CNTNAP2: variants seen among roughly 807,000 people sequenced by gnomAD.
CNTNAP2 encodes contactin associated protein 2.
A neutral mutation model predicts 155.2 loss-of-function variants in CNTNAP2; 98 were observed. The ratio of observed to expected loss-of-function variants is 0.63; its 90% CI spans 0.54 to 0.75. The LOEUF is 0.75. CNTNAP2 is among the 30% of genes least tolerant of loss of function. The probability of loss-of-function intolerance (pLI) is 0.00; values close to 1 mark genes in which losing one functional copy is unlikely to be tolerated. For missense variants in CNTNAP2, 1,727 were observed against 1,688.1 expected (o/e 1.02, Z -0.40); for synonymous variants, 651 against 631.2 (o/e 1.03, Z -0.47).
At chr7:147,428,430 T>C (rs1797415748) in intron 10 of CNTNAP2, among the ~76,000 whole-genome samples, 4 of 152,144 alleles carry the variant, frequency 2.6e-5, no homozygotes, top group African/African-American at 7.2e-5. Context: ...TTTCATCTCA[T>C]ACTTCTCATT....
At chr7:146,249,268 T>G (rs1403454607) in intron 1 of CNTNAP2, among the ~76,000 whole-genome samples, 4 of 152,212 alleles carry the variant, frequency 2.6e-5, no homozygotes, top group African/African-American at 9.6e-5. Context: ...ATTAAAATAT[T>G]CATGATTATT....
intron 1 of CNTNAP2, among the ~76,000 whole-genome samples, chr7:146,742,067 T>TA (rs11397176): frequency 0.24 from 35,313 of 146,556 alleles, 4,717 homozygotes; most frequent in Non-Finnish European, 0.32. Flanking sequence ...TAGACTGTGT[T>TA]AAAAAAAAAA....
At chr7:147,646,536 G>A (rs1295345771) in intron 13 of CNTNAP2, among the ~76,000 whole-genome samples, 1 of 152,020 alleles carries the variant, frequency 6.6e-6, no homozygotes, top group Non-Finnish European at 1.5e-5. Flanking sequence ...TATTTATATT[G>A]AAAGATCAGA....
At chr7:146,807,218 T>C (rs1802984163) in intron 2 of CNTNAP2, among the ~76,000 whole-genome samples, 1 of 152,218 alleles carries the variant, frequency 6.6e-6, no homozygotes. Context: ...TTTTTAAAAT[T>C]TTTGTACATC....
intron 1 of CNTNAP2, among the ~76,000 whole-genome samples, chr7:146,150,508 TA>T (rs1334398095): frequency 2.6e-5 from 4 of 152,108 alleles, no homozygotes; most frequent in African/African-American, 4.8e-5. Context: ...TATTTTTATA[TA>T]TAAAGGTTAC....
intron 13 of CNTNAP2, among the ~76,000 whole-genome samples, chr7:147,784,549 A>ATG (rs1797709424): frequency 1.3e-5 from 1 of 75,904 alleles, no homozygotes; most frequent in Non-Finnish European, 2.7e-5. Context: ...ATATATATAT[A>ATG]TGAGTTTTTT....
chr7:146,699,372 G>C (rs1013839578), intron 1 of CNTNAP2, among the ~76,000 whole-genome samples: 2 of 152,092 alleles, frequency 1.3e-5, no homozygotes, highest in African/African-American at 4.8e-5. Flanking sequence ...AGACATGAAG[G>C]CTTTTCACTT....
At chr7:147,094,287 C>T (rs1009186708) in intron 4 of CNTNAP2, among the ~76,000 whole-genome samples, 4 of 152,136 alleles carry the variant, frequency 2.6e-5, no homozygotes, top group Non-Finnish European at 5.9e-5. Flanking sequence ...TTAGGTATAC[C>T]TTAAGAAGAT....
chr7:146,474,898 C>T (rs1796851680), intron 1 of CNTNAP2, among the ~76,000 whole-genome samples: 1 of 152,134 alleles, frequency 6.6e-6, no homozygotes, highest in African/African-American at 2.4e-5. Context: ...TAAGACTTAA[C>T]TGCCACCAGC....
chr7:146,935,982 C>A (rs1796906145), intron 3 of CNTNAP2, among the ~76,000 whole-genome samples: 1 of 152,156 alleles, frequency 6.6e-6, no homozygotes, highest in Non-Finnish European at 1.5e-5. Context: ...TGTTTGCATT[C>A]AGACATCTCC....
chr7:146,341,530 T>C (rs1242235608), intron 1 of CNTNAP2, among the ~76,000 whole-genome samples: 17 of 152,136 alleles, frequency 1.1e-4, no homozygotes, highest in Admixed American at 1.1e-3. Context: ...GACAATTTTG[T>C]GCAGTAGTAC....
At chr7:147,408,074 A>G (rs998536820) in intron 10 of CNTNAP2, among the ~76,000 whole-genome samples, 3 of 152,232 alleles carry the variant, frequency 2.0e-5, no homozygotes, top group Non-Finnish European at 2.9e-5. Context: ...ATTGCATACC[A>G]TGTGTCCAAG....
chr7:148,317,094 G>A (rs1285995134), intron 21 of CNTNAP2, among the ~76,000 whole-genome samples: 3 of 152,176 alleles, frequency 2.0e-5, no homozygotes, highest in Non-Finnish European at 4.4e-5. Context: ...AGTGGCTCTC[G>A]CCTGTAATCC....
chr7:146,164,695 G>A (rs933476440), intron 1 of CNTNAP2, among the ~76,000 whole-genome samples: 5 of 152,138 alleles, frequency 3.3e-5, no homozygotes, highest in Admixed American at 3.3e-4. Context: ...CATTGCTTTG[G>A]ACATTGATTC....
At chr7:146,465,532 G>A (rs1372303113) in intron 1 of CNTNAP2, among the ~76,000 whole-genome samples, 6 of 152,166 alleles carry the variant, frequency 3.9e-5, no homozygotes. Context: ...AAAAGTATTA[G>A]GTGGGCTGTT....
chr7:146,877,964 GTTCT>G (rs1321386625), intron 3 of CNTNAP2, among the ~76,000 whole-genome samples: 1 of 152,004 alleles, frequency 6.6e-6, no homozygotes, highest in East Asian at 1.9e-4. Context: ...GTCATTTTCA[GTTCT>G]TTAACATAAT....
At chr7:147,327,677 T>A (rs1382406391) in intron 9 of CNTNAP2, among the ~76,000 whole-genome samples, 1 of 152,202 alleles carries the variant, frequency 6.6e-6, no homozygotes, top group Non-Finnish European at 1.5e-5. Context: ...ACTTTCCTCA[T>A]GTTATTTATA....
chr7:146,487,536 A>G (rs1186768692), intron 1 of CNTNAP2, among the ~76,000 whole-genome samples: 1 of 152,234 alleles, frequency 6.6e-6, no homozygotes, highest in African/African-American at 2.4e-5. Context: ...AGTTTAGGTA[A>G]GTTACATTTG....
intron 1 of CNTNAP2, among the ~76,000 whole-genome samples, chr7:146,146,606 A>G (rs890301432): frequency 1.3e-5 from 2 of 152,156 alleles, no homozygotes; most frequent in Non-Finnish European, 2.9e-5. Flanking sequence ...AACCACCAAG[A>G]CCACCAGGCT....
Sources: allele counts gnomAD v4.1 joint callset (sites outside exome capture counted in the v4.1 genomes callset), GRCh38; gene constraint gnomAD v4.1.1; transcripts MANE v1.5; gene names NCBI Gene and HGNC (gene_info 2026-07-23, HGNC 2026-07-21).